The following PRKCA variants were observed in gnomAD, a reference collection of about 807,000 sequenced individuals.
PRKCA encodes protein kinase C alpha.
A neutral mutation model predicts 87.0 loss-of-function variants in PRKCA; 27 were observed. The ratio of observed to expected loss-of-function variants is 0.31; its 90% confidence interval spans 0.23 to 0.43. The LOEUF (loss-of-function observed/expected upper bound fraction) is 0.43, where lower values mean the gene tolerates loss of function less well. PRKCA is among the 20% of genes least tolerant of loss of function. The pLI is 1.00. For synonymous variants in PRKCA, 329 were observed against 311.1 expected (o/e 1.06, Z -0.61); for missense variants, 518 against 852.3 (o/e 0.61, Z 4.88).
At chr17:66,389,125 C>T (rs1910223817) in intron 2 of PRKCA, among the ~76,000 whole-genome samples, 1 of 152,226 alleles carries the variant, frequency 6.6e-6, no homozygotes, top group Non-Finnish European at 1.5e-5. Context: ...ACGCAACTTG[C>T]AGCCACGAGG....
At chr17:66,437,736 G>T (rs1214979944) in intron 2 of PRKCA, among the ~76,000 whole-genome samples, 1 of 2,866 alleles carries the variant, frequency 3.5e-4, no homozygotes, top group Non-Finnish European at 1.6e-3. Context: ...TTTTTTGAGC[G>T]GGGGGTGGGT....
chr17:66,805,310 A>G lies in PRKCA; in HGVS notation c.*1273A>G, dbSNP rs1568046791. ...TGCATGTTTATAATAAACCTTAATA[A>G]CAAGTGAATCTATATTATTGATATA... is the stretch of plus-strand genomic sequence containing the variant. On this transcript the variant is annotated 3_prime_UTR_variant, in exon 17 of 17. Coordinates refer to ENST00000413366, the MANE Select transcript of PRKCA (RefSeq NM_002737.3). 5.3e-6 allele frequency: 1 copy of G among 188,248 alleles called. No homozygotes were observed. Among genetic ancestry groups the G allele is most frequent in the Non-Finnish European group, 9.9e-6 (1 of 100,676 alleles). The allele number at this position is 188,248 out of a possible 1,614,324, so 11.7% of individuals were successfully genotyped here. A position where few individuals can be genotyped will look rare whatever the true frequency, so the allele number is the denominator to read the frequency against.
intron 3 of PRKCA, among the ~76,000 whole-genome samples, chr17:66,635,007 G>A (rs986089003): frequency 3.9e-5 from 6 of 152,212 alleles, no homozygotes; most frequent in African/African-American, 1.4e-4. Context: ...TCAGATGAAG[G>A]AGAGAAATTG....
intron 5 of PRKCA, among the ~76,000 whole-genome samples, chr17:66,680,893 C>T (rs1972472669): frequency 6.6e-6 from 1 of 152,144 alleles, no homozygotes; most frequent in African/African-American, 2.4e-5. Flanking sequence ...GTTTATCATT[C>T]CACCCCACCA....
At chr17:66,570,286 C>T (rs1043848223) in intron 3 of PRKCA, among the ~76,000 whole-genome samples, 3 of 152,216 alleles carry the variant, frequency 2.0e-5, no homozygotes, top group South Asian at 4.1e-4. Flanking sequence ...TGACGATGGA[C>T]GGGTTTGTGG....
chr17:66,420,072 C>T (rs1427217403), intron 2 of PRKCA, among the ~76,000 whole-genome samples: 4 of 148,714 alleles, frequency 2.7e-5, no homozygotes, highest in African/African-American at 1.0e-4. Context: ...AATACAGTGG[C>T]GCAATCTCGG....
chr17:66,768,264 G>GA (rs1166510346), intron 13 of PRKCA, among the ~76,000 whole-genome samples: 1 of 127,878 alleles, frequency 7.8e-6, no homozygotes, highest in Non-Finnish European at 1.6e-5. Flanking sequence ...TTTTTTTTGG[G>GA]GGGGAGAGAT....
chr17:66,702,687 A>G (rs1344834612), intron 8 of PRKCA, among the ~76,000 whole-genome samples: 1 of 152,200 alleles, frequency 6.6e-6, no homozygotes, highest in Non-Finnish European at 1.5e-5. Flanking sequence ...TACCTTAAAC[A>G]ATGACTAATA....
chr17:66,608,840 C>G (rs1275701260), intron 3 of PRKCA, among the ~76,000 whole-genome samples: 13 of 152,190 alleles, frequency 8.5e-5, no homozygotes, highest in Non-Finnish European at 8.8e-5. Context: ...CCATTATTCT[C>G]TCTGCTCTTT....
intron 11 of PRKCA, among the ~76,000 whole-genome samples, chr17:66,740,572 A>G (rs1473142168): frequency 6.6e-6 from 1 of 152,182 alleles, no homozygotes; most frequent in African/African-American, 2.4e-5. Flanking sequence ...GCAAGCTTTA[A>G]AAGTGTGAAG....
intron 13 of PRKCA, among the ~76,000 whole-genome samples, chr17:66,756,113 C>T (rs1011898110): frequency 1.2e-4 from 18 of 152,174 alleles, no homozygotes; most frequent in African/African-American, 3.4e-4. Flanking sequence ...GAAGCGCTGC[C>T]GGGTCCTCAC....
At chr17:66,802,624 T>TA (rs527550408) in intron 16 of PRKCA, among the ~76,000 whole-genome samples, 11 of 152,234 alleles carry the variant, frequency 7.2e-5, no homozygotes, top group African/African-American at 2.4e-4. Flanking sequence ...AACTGCCTTA[T>TA]AAAAACACTA....
At chr17:66,529,457 C>CCA (rs1385701150) in intron 3 of PRKCA, among the ~76,000 whole-genome samples, 1 of 152,124 alleles carries the variant, frequency 6.6e-6, no homozygotes, top group Non-Finnish European at 1.5e-5. Context: ...CCTCATGAAG[C>CCA]CACTGGTAAG....
rs375080029 is a variant in PRKCA at position 66,689,091 on chromosome 17, C to G, written c.918+44C>G. 5.3e-6 allele frequency: 7 copies of G among 1,327,506 alleles called. No individual in the cohort carries two copies. Among genetic ancestry groups the G allele is most frequent in the Non-Finnish European group, 7.3e-6 (7 of 953,742 alleles). 82.2% of individuals were successfully genotyped at this position (1,327,506 alleles called of 1,614,324 possible). A position where few individuals can be genotyped will look rare whatever the true frequency, so the allele number is the denominator to read the frequency against. On this transcript the variant is annotated intron_variant, in intron 8 of 16. Transcript: ENST00000413366. The surrounding 1 kb of genome is among the most constrained non-coding windows in gnomAD (Gnocchi z 4.1). ...CCGGAAACACCTTTCCTTTAGAAAG[C>G]CCAACTTCAGGAACGGCCGAGATGT... is the stretch of plus-strand genomic sequence containing the variant.
chr17:66,636,034 T>C (rs1158887090), intron 3 of PRKCA, among the ~76,000 whole-genome samples: 1 of 152,202 alleles, frequency 6.6e-6, no homozygotes, highest in East Asian at 1.9e-4. Context: ...CTCCCTCTTC[T>C]GCCTTCTCCT....
intron 3 of PRKCA, among the ~76,000 whole-genome samples, chr17:66,584,383 A>G: frequency 6.6e-6 from 1 of 151,442 alleles, no homozygotes; most frequent in East Asian, 1.9e-4. Context: ...CACCATGCCC[A>G]GCTGATTTTT....
intron 2 of PRKCA, among the ~76,000 whole-genome samples, chr17:66,473,849 G>A (rs757129727): frequency 6.6e-6 from 1 of 151,986 alleles, no homozygotes; most frequent in African/African-American, 2.4e-5. Flanking sequence ...CAGGAGAATC[G>A]CTTGAACCAG....
rs1914260429 is a variant in PRKCA at position 66,450,642 on chromosome 17, CG to C, written c.206-45557del. The stretch of plus-strand genomic sequence containing the variant: ...TTTTCTCTTGTGGATTAGTTATTAC[CG>C]GATGACTTTCATCCACACACTTAAC... On this transcript the variant is annotated intron_variant, in intron 2 of 16. Coordinates refer to ENST00000413366, the MANE Select transcript of PRKCA (RefSeq NM_002737.3). 5.9e-5 allele frequency among the ~76,000 whole-genome samples: 9 copies of C among 152,258 alleles called. No homozygotes were observed. In the South Asian group the frequency reaches 1.9e-3, roughly 32 times the overall value.
At chr17:66,516,783 C>T (rs908948201) in intron 3 of PRKCA, among the ~76,000 whole-genome samples, 4 of 152,106 alleles carry the variant, frequency 2.6e-5, no homozygotes, top group Non-Finnish European at 5.9e-5. Flanking sequence ...AGAACAACCT[C>T]CAGTGAGTAG....
Sources: gnomAD v4.1 joint callset for allele counts (sites outside exome capture counted in the v4.1 genomes callset) on GRCh38, gnomAD v4.1.1 for gene constraint, Gnocchi (gnomAD v3.1) non-coding constraint, MANE v1.5 for transcripts, NCBI Gene and HGNC (gene_info 2026-07-23, HGNC 2026-07-21) for gene names.